The following TEKTIP1 variants were observed in gnomAD, a reference collection of about 807,000 sequenced individuals.
The protein encoded by TEKTIP1 is tektin bundle-interacting protein 1.
the TEKTIP1 span, chr19:3,543,082 T>C: frequency 1.3e-6 from 2 of 1,574,476 alleles, no homozygotes; most frequent in Middle Eastern, 1.7e-4. Context: ...GGGTGAGGGG[T>C]ACAGGGCTGA....
chr19:3,542,914 G>A, the TEKTIP1 span: 4 of 1,437,788 alleles, frequency 2.8e-6, no homozygotes, highest in Non-Finnish European at 2.8e-6. Context: ...GACAAGGACT[G>A]TAGGAATCCA....
At chr19:3,539,292 A>AGCCC in the TEKTIP1 span, 1 of 1,062,534 alleles carries the variant, frequency 9.4e-7, no homozygotes, top group African/African-American at 2.3e-5. Flanking sequence ...AGCCCCTCCC[A>AGCCC]GCCCCTCCCT....
At chr19:3,542,787 G>C in the TEKTIP1 span, 15 of 1,368,490 alleles carry the variant, frequency 1.1e-5, no homozygotes, top group Non-Finnish European at 1.5e-5. Flanking sequence ...TGGCCTAGTG[G>C]GTCCCCCAGT....
chr19:3,542,002 G>C, the TEKTIP1 span: 1 of 452,110 alleles, frequency 2.2e-6, no homozygotes, highest in Non-Finnish European at 2.9e-6. Context: ...TAGAGACGGG[G>C]TTTCACCATG....
At chr19:3,540,265 G>GTT in the TEKTIP1 span, among the ~76,000 whole-genome samples, 74 of 141,128 alleles carry the variant, frequency 5.2e-4, no homozygotes, top group African/African-American at 1.8e-3. Flanking sequence ...GCTAATTTTT[G>GTT]TTTTTTTTTT....
chr19:3,539,592 T>TGCAGCCATGAAAAAGAAGAGTGAAAGCC, the TEKTIP1 span: 1 of 320,638 alleles, frequency 3.1e-6, no homozygotes, highest in African/African-American at 2.1e-5. Context: ...GCTGAGAGAG[T>TGCAGCCATGAAAAAGAAGAGTGAAAGCC]CTGTCCCACA....
chr19:3,540,776 G>T, the TEKTIP1 span, among the ~76,000 whole-genome samples: 2 of 151,314 alleles, frequency 1.3e-5, no homozygotes, highest in African/African-American at 4.9e-5. Flanking sequence ...CTACTTGGGA[G>T]GCTGAGGCAG....
chr19:3,543,174 A>G, the TEKTIP1 span: 2 of 1,522,804 alleles, frequency 1.3e-6, no homozygotes, highest in Non-Finnish European at 1.8e-6. Flanking sequence ...CAGACATCGC[A>G]AAGGGGTCAA....
At chr19:3,542,049 A>G in the TEKTIP1 span, 1 of 760,714 alleles carries the variant, frequency 1.3e-6, no homozygotes, top group Non-Finnish European at 1.6e-6. Flanking sequence ...ACCTCAGGTG[A>G]TCTACCCACC....
At chr19:3,539,879 T>G in the TEKTIP1 span, 1 of 152,264 alleles carries the variant, frequency 6.6e-6, no homozygotes, top group Non-Finnish European at 1.5e-5. Flanking sequence ...TATCAATTGT[T>G]TAAACAATTA....
chr19:3,540,298 G>C, the TEKTIP1 span, among the ~76,000 whole-genome samples: 2 of 150,158 alleles, frequency 1.3e-5, no homozygotes, highest in South Asian at 2.1e-4. Context: ...CACTCTTGTC[G>C]CAAGACTGGA....
At chr19:3,540,619 C>A in the TEKTIP1 span, among the ~76,000 whole-genome samples, 1 of 151,798 alleles carries the variant, frequency 6.6e-6, no homozygotes, top group South Asian at 2.1e-4. Context: ...GTGGCTCACG[C>A]CTGTAATTCC....
At chr19:3,539,294 C>A in the TEKTIP1 span, 1 of 1,283,076 alleles carries the variant, frequency 7.8e-7, no homozygotes, top group Non-Finnish European at 1.1e-6. Flanking sequence ...CCCCTCCCAG[C>A]CCCTCCCTCC....
chr19:3,539,470 G>A, the TEKTIP1 span: 1 of 554,772 alleles, frequency 1.8e-6, no homozygotes, highest in South Asian at 2.4e-5. Flanking sequence ...GACAGGCCAA[G>A]AACAAATGTG....
chr19:3,540,835 T>A, the TEKTIP1 span, among the ~76,000 whole-genome samples: 1 of 128,900 alleles, frequency 7.8e-6, no homozygotes, highest in African/African-American at 2.9e-5. Context: ...GCCGAGATCG[T>A]GCCACTGGAC....
the TEKTIP1 span, chr19:3,543,244 C>G: frequency 6.5e-7 from 1 of 1,544,648 alleles, no homozygotes; most frequent in Non-Finnish European, 8.7e-7. Flanking sequence ...GCGATGACTA[C>G]CTGTCCCTGG....
At chr19:3,542,942 T>C in the TEKTIP1 span, 1 of 1,486,778 alleles carries the variant, frequency 6.7e-7, no homozygotes, top group South Asian at 1.1e-5. Context: ...CCAGGGCCCT[T>C]GTCCTCTCCC....
the TEKTIP1 span, chr19:3,542,144 A>G: frequency 2.9e-5 from 29 of 985,246 alleles, no homozygotes; most frequent in Admixed American, 6.1e-5. Flanking sequence ...TTTAAAAGCT[A>G]CATGTGTCTT....
At chr19:3,541,564 G>A in the TEKTIP1 span, 26 of 614,356 alleles carry the variant, frequency 4.2e-5, 1 homozygote, top group South Asian at 1.4e-4. Context: ...CTCATGATCC[G>A]CCTGCCTCGG....
Sources: gnomAD v4.1 joint callset for allele counts (sites outside exome capture counted in the v4.1 genomes callset) on GRCh38, gnomAD v4.1.1 for gene constraint, MANE v1.5 for transcripts, NCBI Gene and HGNC (gene_info 2026-07-23, HGNC 2026-07-21) for gene names.